ADAMTSL1: variants seen among roughly 807,000 people sequenced by gnomAD.
ADAMTSL1 encodes the protein ADAMTS like 1, also known as ADAMTS-like protein 1.
Under a neutral mutation model 201.8 loss-of-function variants are expected in ADAMTSL1, and 126 were observed. That is an observed-to-expected ratio of 0.62 (90% confidence interval 0.54 to 0.72). ADAMTSL1 has a LOEUF of 0.72. ADAMTSL1 is among the 30% of genes least tolerant of loss of function. The pLI, the probability that ADAMTSL1 is intolerant of heterozygous loss-of-function variation, is 0.00. For missense variants in ADAMTSL1, 2,679 were observed against 2,277.8 expected, an observed-to-expected ratio of 1.18 and a Z score of -3.59; for synonymous variants, 1,121 against 903.4, an observed-to-expected ratio of 1.24 and a Z score of -4.32.
At chr9:18,632,926 C>T (rs1441430412) in intron 5 of ADAMTSL1, among the ~76,000 whole-genome samples, 1 of 152,150 alleles carries the variant, frequency 6.6e-6, no homozygotes. Flanking sequence ...TCTTCCTCAA[C>T]AACTTTCTAG....
chr9:18,853,918 T>C (rs12344460), intron 23 of ADAMTSL1, among the ~76,000 whole-genome samples: 2,265 of 145,464 alleles, frequency 0.016, 48 homozygotes, highest in South Asian at 0.087. Context: ...TGTGTGTGTG[T>C]GCGCGTGCAT....
At chr9:18,056,402 G>T (rs1403451534) in intron 1 of ADAMTSL1, among the ~76,000 whole-genome samples, 1 of 152,066 alleles carries the variant, frequency 6.6e-6, no homozygotes, top group Admixed American at 6.6e-5. Flanking sequence ...TCCAGTTATG[G>T]CTCAACCGGG....
intron 1 of ADAMTSL1, among the ~76,000 whole-genome samples, chr9:17,961,886 T>C (rs185441003): frequency 6.6e-6 from 1 of 152,302 alleles, no homozygotes; most frequent in East Asian, 1.9e-4. Flanking sequence ...CAGGGTTCCT[T>C]TTCAGAACTC....
intron 2 of ADAMTSL1, among the ~76,000 whole-genome samples, chr9:18,301,549 T>G (rs1433302440): frequency 6.6e-6 from 1 of 152,132 alleles, no homozygotes; most frequent in Admixed American, 6.5e-5. Flanking sequence ...ATTAATGAAA[T>G]AGAACCATTA....
rs149845761 is a variant in ADAMTSL1, at chr9:18,349,053, C to T, written c.208-155776C>T. ...ACACAGGCAATTTAAATAATTTGTC[C>T]AAAGTCATACATTTTACTAGTGGCA... On this transcript the variant is annotated intron_variant, in intron 2 of 29. Transcript: ENST00000680146. Among the ~76,000 whole-genome samples, 851 of 152,172 alleles carry T rather than the reference C, an allele frequency of 5.6e-3. 7 individuals carry two copies. The highest frequency in any genetic ancestry group is 0.018 in the African/African-American group (743 of 41,518).
intron 2 of ADAMTSL1, among the ~76,000 whole-genome samples, chr9:18,528,239 G>A (rs1177193338): frequency 3.3e-5 from 5 of 151,888 alleles, no homozygotes; most frequent in Non-Finnish European, 5.9e-5. Context: ...GGATATGCAG[G>A]TTTGTTACAA....
intron 2 of ADAMTSL1, among the ~76,000 whole-genome samples, chr9:18,237,596 C>T (rs1217306767): frequency 1.3e-5 from 2 of 152,182 alleles, no homozygotes; most frequent in Non-Finnish European, 2.9e-5. Flanking sequence ...AAAACCAATA[C>T]TGACTGCCTC....
intron 1 of ADAMTSL1, among the ~76,000 whole-genome samples, chr9:17,971,464 A>G (rs1331407809): frequency 6.6e-6 from 1 of 152,096 alleles, no homozygotes; most frequent in Non-Finnish European, 1.5e-5. Context: ...ACAAGCAATC[A>G]TAGCTAATTA....
intron 1 of ADAMTSL1, among the ~76,000 whole-genome samples, chr9:17,940,725 AAAG>A (rs1234895423): frequency 1.4e-5 from 2 of 139,920 alleles, no homozygotes; most frequent in Non-Finnish European, 3.1e-5. Flanking sequence ...AAAAAAAAAA[AAAG>A]AAAAAAAAGA....
At position 18,908,584 on chromosome 9, in the gene ADAMTSL1, A is replaced by G; in HGVS notation, c.*36A>G. 1.3e-6 allele frequency: 2 copies of G among 1,509,358 alleles called. No individual in the cohort carries two copies. The highest frequency in any genetic ancestry group is 1.8e-6 in the Non-Finnish European group (2 of 1,111,206). The allele number at this position is 1,509,358 out of a possible 1,614,324, so 93.5% of individuals were successfully genotyped here. A position where few individuals can be genotyped will look rare whatever the true frequency, so the allele number is the denominator to read the frequency against. On this transcript the variant is annotated 3_prime_UTR_variant, in exon 29 of 29. Coordinates refer to ENST00000380548, the MANE Select transcript of ADAMTSL1 (RefSeq NM_001040272.6). ...TGGGGAAAAACTCTACCCTGGCCAC[A>G]CGAAGGACTCACGCAACCACCTCGG...
At chr9:17,949,839 G>A (rs2811827) in intron 1 of ADAMTSL1, among the ~76,000 whole-genome samples, 130,805 of 152,140 alleles carry the variant, frequency 0.86, 56,337 homozygotes, top group East Asian at 0.94. Context: ...TGAAAAGCTT[G>A]TAAATGTAGA....
intron 2 of ADAMTSL1, among the ~76,000 whole-genome samples, chr9:18,448,591 TA>T (rs1820286236): frequency 6.6e-6 from 1 of 152,220 alleles, no homozygotes. Flanking sequence ...TGGAAAATTA[TA>T]AATATTAATT....
chr9:18,261,608 C>G (rs957971547), intron 2 of ADAMTSL1, among the ~76,000 whole-genome samples: 19 of 152,126 alleles, frequency 1.2e-4, no homozygotes, highest in African/African-American at 4.1e-4. Context: ...ATATTCCAAC[C>G]TTTGACAGTT....
intron 2 of ADAMTSL1, among the ~76,000 whole-genome samples, chr9:18,227,792 TA>T (rs1830487164): frequency 6.6e-6 from 1 of 152,142 alleles, no homozygotes; most frequent in Non-Finnish European, 1.5e-5. Flanking sequence ...TATGTTATAA[TA>T]CATCATATCA....
chr9:18,770,871 C>A (rs763078005), intron 17 of ADAMTSL1, 90 bp downstream of exon 17: 1 of 1,298,394 alleles, frequency 7.7e-7, no homozygotes, highest in Non-Finnish European at 1.1e-6. Context: ...AAGAAGAGAA[C>A]AAAACAATCT....
intron 2 of ADAMTSL1, among the ~76,000 whole-genome samples, chr9:18,262,812 T>C (rs1831975096): frequency 1.3e-5 from 2 of 152,218 alleles, no homozygotes; most frequent in Non-Finnish European, 2.9e-5. Context: ...AGAGACTATA[T>C]GGAATGTTCA....
At chr9:18,578,297 T>C (rs956635971) in intron 4 of ADAMTSL1, among the ~76,000 whole-genome samples, 2 of 152,206 alleles carry the variant, frequency 1.3e-5, no homozygotes, top group Non-Finnish European at 2.9e-5. Context: ...TCAAACCACA[T>C]TCTCCCCCTT....
At chr9:18,523,447 T>G (rs188709042) in intron 2 of ADAMTSL1, among the ~76,000 whole-genome samples, 1 of 152,344 alleles carries the variant, frequency 6.6e-6, no homozygotes, top group Admixed American at 6.5e-5. Context: ...TTAGTTTAAT[T>G]AGATCCCATT....
At chr9:18,628,645 A>G (rs1302925006) in intron 5 of ADAMTSL1, among the ~76,000 whole-genome samples, 1 of 152,060 alleles carries the variant, frequency 6.6e-6, no homozygotes, top group Non-Finnish European at 1.5e-5. Flanking sequence ...TGTTAATTCT[A>G]CAGATTGATT....
Sources: allele counts gnomAD v4.1 joint callset (sites outside exome capture counted in the v4.1 genomes callset), GRCh38; gene constraint gnomAD v4.1.1; transcripts MANE v1.5; gene names NCBI Gene and HGNC (gene_info 2026-07-23, HGNC 2026-07-21).